Variants in RARB observed in about 807,000 individuals in gnomAD.
The protein encoded by RARB is retinoic acid receptor beta.
In RARB, 17 loss-of-function variants were observed where a neutral mutation model predicts 51.9. The ratio of observed to expected loss-of-function variants is 0.33; its 90% CI spans 0.22 to 0.49. RARB has a LOEUF of 0.49. RARB is among the 20% of genes least tolerant of loss of function. The pLI is 0.99. For synonymous variants in RARB, 215 were observed against 195.4 expected, an observed-to-expected ratio of 1.10 and a Z score of -0.84; for missense variants, 369 against 550.8, an observed-to-expected ratio of 0.67 and a Z score of 3.30.
intron 5 of RARB, among the ~76,000 whole-genome samples, chr3:25,242,156 T>G (rs1702448110): frequency 6.6e-6 from 1 of 151,670 alleles, no homozygotes; most frequent in Admixed American, 6.6e-5. Flanking sequence ...TCAATGAGGT[T>G]TTTTTTTCTT....
chr3:25,068,231 G>T (rs1698702812), intron 3 of RARB, among the ~76,000 whole-genome samples: 1 of 139,922 alleles, frequency 7.1e-6, no homozygotes, highest in Admixed American at 7.4e-5. Flanking sequence ...CCCACTCTGA[G>T]TGTACCTCCC....
At chr3:25,589,357 AGAGGCCACT>A (rs1701526085) in intron 5 of RARB, among the ~76,000 whole-genome samples, 1 of 152,210 alleles carries the variant, frequency 6.6e-6, no homozygotes, top group Admixed American at 6.5e-5. Flanking sequence ...CAAGGTAGGG[AGAGGCCACT>A]GAGGCCACAG....
chr3:25,055,408 A>G (rs1197449551), intron 2 of RARB, among the ~76,000 whole-genome samples: 1 of 152,162 alleles, frequency 6.6e-6, no homozygotes. Context: ...TAACTGATTT[A>G]TGCACTGAGG....
chr3:24,871,472 A>G (rs1702947184), intron 2 of RARB, among the ~76,000 whole-genome samples: 1 of 151,926 alleles, frequency 6.6e-6, no homozygotes, highest in African/African-American at 2.4e-5. Flanking sequence ...CTTCTCAGTG[A>G]TTGCTCCTTT....
intron 2 of RARB, among the ~76,000 whole-genome samples, chr3:25,025,549 A>AT (rs1697728848): frequency 6.6e-6 from 1 of 152,188 alleles, no homozygotes; most frequent in African/African-American, 2.4e-5. Flanking sequence ...TAGAAACTAT[A>AT]AGTTACAGTA....
chr3:25,029,682 G>A (rs1345719826), intron 2 of RARB, among the ~76,000 whole-genome samples: 1 of 152,138 alleles, frequency 6.6e-6, no homozygotes, highest in Non-Finnish European at 1.5e-5. Flanking sequence ...AGGATACCTT[G>A]TGTATTAAAG....
At position 25,468,911 on chromosome 3, in the gene RARB, A is replaced by G. The variant is rs537786151; in HGVS notation, c.306+7570A>G. ...AGCCAACCTTTGGGGGCCACAATCC[A>G]GCCTGTCCTGCAGAAGGCCCCAGGG... is the stretch of plus-strand genomic sequence containing the variant. On this transcript the variant is annotated intron_variant, in intron 2 of 7. Transcript: ENST00000330688. Among the ~76,000 whole-genome samples the G allele has an allele frequency of 4.6e-5, 7 of 152,332 alleles. No individual in the cohort carries two copies. The East Asian group carries it at 1.4e-3, about 29-fold the overall frequency.
chr3:24,943,140 G>A (rs985568307), intron 2 of RARB, among the ~76,000 whole-genome samples: 1 of 152,138 alleles, frequency 6.6e-6, no homozygotes, highest in Non-Finnish European at 1.5e-5. Context: ...GACTATGTAA[G>A]GGATAATTTT....
intron 2 of RARB, among the ~76,000 whole-genome samples, chr3:24,882,777 C>G (rs760087237): frequency 3.9e-5 from 6 of 152,212 alleles, no homozygotes; most frequent in Non-Finnish European, 7.4e-5. Context: ...TGATTTTGTC[C>G]AGGAATGCCA....
chr3:25,331,107 A>G (rs1459145976), intron 5 of RARB, among the ~76,000 whole-genome samples: 1 of 152,232 alleles, frequency 6.6e-6, no homozygotes, highest in East Asian at 1.9e-4. Flanking sequence ...TCAACATTAG[A>G]CAGATCAGCG....
At chr3:25,300,970 C>T (rs1354409783) in intron 5 of RARB, among the ~76,000 whole-genome samples, 1 of 152,196 alleles carries the variant, frequency 6.6e-6, no homozygotes, top group South Asian at 2.1e-4. Flanking sequence ...GCACTCCAGC[C>T]TGAGCTACAA....
At chr3:25,373,076 C>G (rs960057117) in intron 5 of RARB, among the ~76,000 whole-genome samples, 1 of 152,108 alleles carries the variant, frequency 6.6e-6, no homozygotes, top group Non-Finnish European at 1.5e-5. Context: ...AAGGCACATG[C>G]TCTGATTTGG....
intron 2 of RARB, among the ~76,000 whole-genome samples, chr3:25,043,832 T>A (rs1698160632): frequency 6.6e-6 from 1 of 152,172 alleles, no homozygotes; most frequent in Non-Finnish European, 1.5e-5. Context: ...ACATATGCAA[T>A]AAAAAGCAAT....
chr3:25,542,744 A>G (rs980476964), intron 3 of RARB, among the ~76,000 whole-genome samples: 3 of 152,264 alleles, frequency 2.0e-5, no homozygotes, highest in Non-Finnish European at 2.9e-5. Flanking sequence ...CTTGCCTAAC[A>G]GCATTAGTAA....
At chr3:24,901,542 A>T (rs1395170256) in intron 2 of RARB, among the ~76,000 whole-genome samples, 1 of 152,230 alleles carries the variant, frequency 6.6e-6, no homozygotes, top group Non-Finnish European at 1.5e-5. Flanking sequence ...GGCGCAGTTC[A>T]GGGATTTTAA....
chr3:25,402,027 C>T lies in RARB; in HGVS notation c.179-59166C>T, dbSNP rs554374443. ...CTGACCTCAAGTGATGCACCCACCT[C>T]GGCTTCCCAAAGTGCTGGCATTACA... On this transcript the variant is annotated intron_variant, in intron 5 of 11. Transcript: ENST00000383772. 1.1e-3 allele frequency among the ~76,000 whole-genome samples: 162 copies of T among 152,234 alleles called. No homozygotes were observed. In the Middle Eastern group the frequency reaches 0.014, roughly 13 times the overall value.
chr3:25,213,741 G>T (rs1226934124), intron 5 of RARB, among the ~76,000 whole-genome samples: 1 of 152,170 alleles, frequency 6.6e-6, no homozygotes, highest in Admixed American at 6.5e-5. Flanking sequence ...TAATGTTTAG[G>T]AGTGCTTAGC....
At chr3:25,371,265 GC>G (rs1706290099) in intron 5 of RARB, among the ~76,000 whole-genome samples, 1 of 152,110 alleles carries the variant, frequency 6.6e-6, no homozygotes, top group African/African-American at 2.4e-5. Flanking sequence ...CATTATTTAG[GC>G]CCTTTTTCCA....
intron 2 of RARB, among the ~76,000 whole-genome samples, chr3:25,468,159 C>CT (rs1159028436): frequency 1.3e-5 from 2 of 152,038 alleles, no homozygotes; most frequent in African/African-American, 4.8e-5. Flanking sequence ...GGGCCTTAGC[C>CT]TATCTGTAAA....
Sources: gnomAD v4.1 joint callset for allele counts (sites outside exome capture counted in the v4.1 genomes callset) on GRCh38, gnomAD v4.1.1 for gene constraint, MANE v1.5 for transcripts, NCBI Gene and HGNC (gene_info 2026-07-23, HGNC 2026-07-21) for gene names.